Variants in POLN observed in about 807,000 individuals in gnomAD.
The protein encoded by POLN is DNA polymerase nu.
POLN carries 108 observed loss-of-function variants against 113.5 expected under a neutral mutation model. The observed-to-expected ratio is 0.95, with a 90% confidence interval of 0.81 to 1.12. The LOEUF (loss-of-function observed/expected upper bound fraction) is 1.12, where lower values mean the gene tolerates loss of function less well. POLN is among the 50% of genes most tolerant of loss of function. The pLI is 0.00. For missense variants in POLN, 1,097 were observed against 1,077.1 expected, an observed-to-expected ratio of 1.02 and a Z score of -0.26; for synonymous variants, 386 against 391.5, an observed-to-expected ratio of 0.99 and a Z score of 0.17.
chr4:2,111,207 T>G (rs931483948), intron 19 of POLN, among the ~76,000 whole-genome samples: 1 of 152,176 alleles, frequency 6.6e-6, no homozygotes, highest in African/African-American at 2.4e-5. Flanking sequence ...TGCTAAAAAC[T>G]CTCAATAAAT....
chr4:2,156,963 C>CA, intron 15 of POLN, 110 bp from the exon 16 acceptor site: 1 of 861,234 alleles, frequency 1.2e-6, no homozygotes, highest in East Asian at 2.5e-5. Flanking sequence ...CTCCAGAGGC[C>CA]AACAAGCTGC....
At chr4:2,237,500 G>T (rs534018212) in intron 2 of POLN, among the ~76,000 whole-genome samples, 2 of 151,206 alleles carry the variant, frequency 1.3e-5, no homozygotes, top group East Asian at 3.9e-4. Flanking sequence ...GGGAGAGGAA[G>T]GAAGGGAAAG....
At chr4:2,182,891 A>G (rs1052889414) in intron 7 of POLN, among the ~76,000 whole-genome samples, 22 of 152,184 alleles carry the variant, frequency 1.4e-4, no homozygotes, top group African/African-American at 5.1e-4. Flanking sequence ...GATTGGGAGA[A>G]AGTATTTGCA....
At chr4:2,197,009 T>A (rs957020735) in intron 6 of POLN, among the ~76,000 whole-genome samples, 1 of 151,920 alleles carries the variant, frequency 6.6e-6, no homozygotes, top group Non-Finnish European at 1.5e-5. Flanking sequence ...GGAGGTGAGG[T>A]TGAAGACAGC....
rs1314545308 is a variant in POLN at position 2,240,642 on chromosome 4, A to G, written c.-13+878T>C. On this transcript the variant is annotated intron_variant, in intron 2 of 25. Coordinates refer to ENST00000511885, the MANE Select transcript of POLN (RefSeq NM_181808.4). ...CAGTAGAGTTTGAACCTCATCCTCT[A>G]ATTTCTCCAGCTCTTTATCATCCAG... The G allele has an allele frequency of 2.5e-6, 4 of 1,613,700 alleles. No homozygotes were observed. The Admixed American group carries it at 5.0e-5, about 20-fold the overall frequency.
At chr4:2,129,278 AT>A in intron 17 of POLN, 22 bp from the exon 18 acceptor site, 1 of 1,512,370 alleles carries the variant, frequency 6.6e-7, no homozygotes, top group Non-Finnish European at 9.2e-7. Context: ...TTTCAAGAGC[AT>A]TTAGTGAATT....
intron 10 of POLN, 110 bp downstream of exon 10, chr4:2,174,581 C>A: frequency 1.1e-6 from 1 of 888,446 alleles, no homozygotes; most frequent in African/African-American, 1.7e-5. Flanking sequence ...TCTCTGGTGC[C>A]CATGAGATAT....
intron 16 of POLN, among the ~76,000 whole-genome samples, chr4:2,150,390 G>A (rs1732262587): frequency 6.6e-6 from 1 of 152,060 alleles, no homozygotes; most frequent in Non-Finnish European, 1.5e-5. Flanking sequence ...TCAAAATAAA[G>A]TGGCCAATTC....
At chr4:2,107,797 A>C (rs1577696841) in intron 19 of POLN, among the ~76,000 whole-genome samples, 3 of 152,118 alleles carry the variant, frequency 2.0e-5, no homozygotes, top group Admixed American at 6.5e-5. Context: ...GCCAGGGAAA[A>C]CTGCCGCTGG....
intron 19 of POLN, among the ~76,000 whole-genome samples, chr4:2,100,092 G>GA (rs1730888700): frequency 8.5e-5 from 10 of 117,234 alleles, no homozygotes; most frequent in Non-Finnish European, 1.7e-4. Context: ...AAAAGAAAAA[G>GA]AAAAAAGAGA....
intron 19 of POLN, among the ~76,000 whole-genome samples, chr4:2,118,832 G>A (rs570841245): frequency 1.3e-5 from 2 of 152,320 alleles, no homozygotes; most frequent in African/African-American, 2.4e-5. Flanking sequence ...TCACAGGTTG[G>A]TCCACCATTT....
intron 4 of POLN, among the ~76,000 whole-genome samples, chr4:2,209,007 C>T (rs894873738): frequency 3.3e-5 from 5 of 151,386 alleles, no homozygotes; most frequent in Admixed American, 2.0e-4. Context: ...AGCTCAAAAG[C>T]CTCCAACTGG....
intron 13 of POLN, among the ~76,000 whole-genome samples, chr4:2,162,946 C>A (rs931306783): frequency 6.6e-6 from 1 of 150,528 alleles, no homozygotes; most frequent in African/African-American, 2.4e-5. Flanking sequence ...AAATAGTGAT[C>A]CCCCGCGCCC....
intron 2 of POLN, chr4:2,241,135 A>G: frequency 2.0e-6 from 1 of 511,908 alleles, no homozygotes. Flanking sequence ...AAATATGACG[A>G]CAGTGTTTTT....
At chr4:2,207,129 T>C (rs1243687263) in intron 5 of POLN, among the ~76,000 whole-genome samples, 2 of 152,228 alleles carry the variant, frequency 1.3e-5, no homozygotes, top group Admixed American at 6.5e-5. Flanking sequence ...ACTACTATTC[T>C]AAGTGAAGTA....
chr4:2,152,340 A>AT (rs75242681), intron 16 of POLN, among the ~76,000 whole-genome samples: 1,839 of 129,524 alleles, frequency 0.014, 17 homozygotes, highest in African/African-American at 0.024. Context: ...ACCTGGCCTG[A>AT]TTTTTTTTTT....
At chr4:2,122,493 C>T (rs539643805) in intron 19 of POLN, among the ~76,000 whole-genome samples, 11 of 152,068 alleles carry the variant, frequency 7.2e-5, no homozygotes, top group Non-Finnish European at 1.5e-4. Context: ...CCGTGCTCAA[C>T]ATCCATCCCC....
chr4:2,194,363 T>A (rs1458321378), intron 6 of POLN, among the ~76,000 whole-genome samples: 1 of 152,208 alleles, frequency 6.6e-6, no homozygotes, highest in Non-Finnish European at 1.5e-5. Context: ...TTAGCCAAAC[T>A]GCAGTTAGAT....
At chr4:2,154,661 T>A (rs964010732) in intron 16 of POLN, among the ~76,000 whole-genome samples, 3 of 152,146 alleles carry the variant, frequency 2.0e-5, no homozygotes, top group African/African-American at 7.2e-5. Context: ...ACTATAGAAA[T>A]CAACAGAAAA....
Sources: gnomAD v4.1 joint callset for allele counts (sites outside exome capture counted in the v4.1 genomes callset) on GRCh38, gnomAD v4.1.1 for gene constraint, MANE v1.5 for transcripts, NCBI Gene and HGNC (gene_info 2026-07-23, HGNC 2026-07-21) for gene names.